ZNF485: variants seen among roughly 807,000 people sequenced by gnomAD.
ZNF485 encodes Zinc finger protein 93 (Zinc finger protein HTF34).
A neutral mutation model predicts 10.8 loss-of-function variants in ZNF485; 9 were observed. That is an observed-to-expected ratio of 0.83 (90% CI 0.50 to 1.45). The LOEUF is 1.45. Ranked by LOEUF, ZNF485 falls within the 40% of genes most tolerant of loss-of-function variation. The pLI is 0.00. For missense variants in ZNF485, 487 were observed against 528.0 expected (o/e 0.92, Z 0.76); for synonymous variants, 187 against 181.0 (o/e 1.03, Z -0.27).
rs893753297 is a variant in ZNF485 at position 43,616,729 on chromosome 10, T to A, written c.686T>A (p.Leu229His). ...CGKTFRKNSI[L>H]LSHQRIHTGQ... is the part of the protein sequence containing the mutation. ...AAAACTTTCAGAAAGAACTCAATCC[T>A]TTTAAGTCATCAGAGAATTCATACT... is the stretch of plus-strand genomic sequence containing the variant. Residue 229 changes from leucine (L) to histidine (H), a missense_variant, in exon 5 of 5, where the codon CTT (leucine) becomes CAT (histidine). Physicochemically the swap from Leu to His is moderately conservative, Grantham distance 99. Coordinates refer to ENST00000361807, the MANE Select transcript of ZNF485 (RefSeq NM_145312.4). 5 of 1,613,946 alleles carry A rather than the reference T, an allele frequency of 3.1e-6. No individual in the cohort carries two copies. Among genetic ancestry groups the A allele is most frequent in the Non-Finnish European group, 4.2e-6 (5 of 1,180,010 alleles).
chr10:43,610,235 GT>G (rs1191096687), intron 4 of ZNF485, among the ~76,000 whole-genome samples: 1 of 151,970 alleles, frequency 6.6e-6, no homozygotes. Flanking sequence ...CTTTGTATAT[GT>G]TTTTGTATGT....
At position 43,617,559 on chromosome 10, in the gene ZNF485, GC is replaced by G. The variant is rs1213832137; in HGVS notation, c.*191del. On this transcript the variant is annotated 3_prime_UTR_variant, in exon 5 of 5. Coordinates refer to ENST00000361807, the MANE Select transcript of ZNF485 (RefSeq NM_145312.4). ...GTATGTCAGTATGGAAGTAGTTATA[GC>G]ATACTGTGTGCTAATTGAAAAGAAT... The G allele has an allele frequency of 1.5e-5, 8 of 519,564 alleles. No individual in the cohort carries two copies. The Admixed American group carries it at 2.8e-4, about 18-fold the overall frequency. 32.2% of individuals were successfully genotyped at this position (519,564 alleles called of 1,614,324 possible).
rs776794639 is a variant in ZNF485 at position 43,616,596 on chromosome 10, C to T, written c.553C>T (p.Pro185Ser). 6.2e-7 allele frequency: 1 copy of T among 1,614,156 alleles called. No individual in the cohort carries two copies. Among genetic ancestry groups the T allele is most frequent in the Non-Finnish European group, 8.5e-7 (1 of 1,180,022 alleles). The change falls in exon 5 of 5, where the codon CCT (proline) becomes TCT (serine). Residue 185 changes from proline (P) to serine (S), a missense_variant. Coordinates refer to ENST00000361807, the MANE Select transcript of ZNF485 (RefSeq NM_145312.4). ...CCATAAGGTTCATGCAGGCAAACAG[C>T]CTTATAGATGTATTGAATGTGGGAA... is the stretch of plus-strand genomic sequence containing the variant. The part of the protein sequence containing the change: ...NHHKVHAGKQ[P>S]YRCIECGKFL...
chr10:43,615,217 G>A (rs1838831424), intron 4 of ZNF485, among the ~76,000 whole-genome samples: 1 of 152,098 alleles, frequency 6.6e-6, no homozygotes, highest in African/African-American at 2.4e-5. Context: ...TACAACTTAT[G>A]TTTATAAGAA....
intron 3 of ZNF485, 77 bp downstream of exon 3, chr10:43,608,817 G>A (rs982373795): frequency 6.5e-7 from 1 of 1,547,330 alleles, no homozygotes; most frequent in East Asian, 2.3e-5. Flanking sequence ...ATGGTTTGGG[G>A]TATTGAAAAA....
In ZNF485 at chr10:43,617,212, C is replaced by T. The variant is rs745433955; in HGVS notation, c.1169C>T (p.Ala390Val). ...TATCACTGTAAGAAATGTGGGAAAG[C>T]CTTTCGGCACAGCTCAGGCCTTGTT... Reference protein sequence around the residue: ...KPYHCKKCGKAFRHSSGLVEH... With the variant: ...KPYHCKKCGKVFRHSSGLVEH... The change falls in exon 5 of 5, where the codon GCC becomes GTC. Residue 390 changes from alanine (A) to valine (V), a missense_variant. Coordinates refer to ENST00000361807, the MANE Select transcript of ZNF485 (RefSeq NM_145312.4). 1 of 1,614,190 alleles carries T rather than the reference C, an allele frequency of 6.2e-7. No homozygotes were observed. Among genetic ancestry groups the T allele is most frequent in the Non-Finnish European group, 8.5e-7 (1 of 1,180,028 alleles).
rs762725552 is a variant in ZNF485, at chr10:43,616,271, T to C, written c.248-20T>C. 1 of 1,524,100 alleles carries C rather than the reference T, an allele frequency of 6.6e-7. No homozygotes were observed. Among genetic ancestry groups the C allele is most frequent in the Admixed American group, 2.2e-5 (1 of 45,052 alleles). The allele number at this position is 1,524,100 out of a possible 1,614,324, so 94.4% of individuals were successfully genotyped here. On this transcript the variant is annotated intron_variant, in intron 4 of 4. Transcript: ENST00000361807. Reference sequence around the variant, plus strand: ...CATTTCAACATAAAGAACATTTGAATTTTTAAAATTTTCTTTCAGTCGAGG... The same window carrying C: ...CATTTCAACATAAAGAACATTTGAACTTTTAAAATTTTCTTTCAGTCGAGG...
chr10:43,616,370 G>C lies in ZNF485; in HGVS notation c.327G>C (p.Thr109=). Residue 109 remains threonine, a synonymous_variant, in exon 5 of 5, where the codon ACG becomes ACC. Transcript: ENST00000361807. The part of the protein sequence containing the change: ...TSEASVLGER[T]KSVMMEKGLD... The stretch of plus-strand genomic sequence containing the variant: ...AAGCATCTGTTCTGGGAGAGCGAAC[G>C]AAAAGTGTCATGATGGAAAAAGGCC... The C allele has an allele frequency of 6.2e-7, 1 of 1,613,984 alleles. No homozygotes were observed. The highest frequency in any genetic ancestry group is 8.5e-7 in the Non-Finnish European group (1 of 1,179,978).
At chr10:43,611,876 A>G (rs1401568366) in intron 4 of ZNF485, among the ~76,000 whole-genome samples, 2 of 152,140 alleles carry the variant, frequency 1.3e-5, no homozygotes, top group African/African-American at 2.4e-5. Flanking sequence ...AGGGTTCTTT[A>G]TACATTCAGG....
chr10:43,611,367 T>G (rs1264078867), intron 4 of ZNF485, among the ~76,000 whole-genome samples: 1 of 152,122 alleles, frequency 6.6e-6, no homozygotes, highest in East Asian at 1.9e-4. Flanking sequence ...CATGCCAGCT[T>G]ATCTTTCTTT....
chr10:43,614,181 C>G (rs1053451784), intron 4 of ZNF485, among the ~76,000 whole-genome samples: 1 of 151,224 alleles, frequency 6.6e-6, no homozygotes, highest in Non-Finnish European at 1.5e-5. Context: ...CGCCATTGCA[C>G]TCAGCCTGGG....
chr10:43,611,425 T>C (rs1264102992), intron 4 of ZNF485, among the ~76,000 whole-genome samples: 1 of 152,162 alleles, frequency 6.6e-6, no homozygotes, highest in East Asian at 1.9e-4. Flanking sequence ...ATAATTTATG[T>C]AATCAGTTAT....
rs1838710717 is a variant in ZNF485, at chr10:43,608,881, TGGAGTTTA to T, written c.151+142_151+149del. The T allele has an allele frequency of 3.4e-6, 4 of 1,170,638 alleles. No individual in the cohort carries two copies. In the African/African-American group the frequency reaches 6.2e-5, roughly 18 times the overall value. The allele number at this position is 1,170,638 out of a possible 1,614,324, so 72.5% of individuals were successfully genotyped here. Reference sequence around the variant, plus strand: ...TTTTCTTAAGTATGGGCTTAGAGGCTGGAGTTTATGCCCCTTACACCCCTCAAGAAAGG... The same window carrying T: ...TTTTCTTAAGTATGGGCTTAGAGGCTTGCCCCTTACACCCCTCAAGAAAGG... On this transcript the variant is annotated intron_variant, in intron 3 of 4. Coordinates refer to ENST00000361807, the MANE Select transcript of ZNF485 (RefSeq NM_145312.4).
Position 43,616,977 on chromosome 10 carries a change from A to G in ZNF485, c.934A>G (p.Thr312Ala). ...TGGAAAAGCCTTTAGGAAGAGCTCA[A>G]CTCTTATTAGTCACCAAAGAATGCA... ...ECGKAFRKSS[T>A]LISHQRMHTG... The change falls in exon 5 of 5, where the codon ACT (threonine) becomes GCT (alanine). Residue 312 changes from threonine (T) to alanine (A), a missense_variant. Thr to Ala is a moderately conservative substitution (Grantham distance 58). Coordinates refer to ENST00000361807, the MANE Select transcript of ZNF485 (RefSeq NM_145312.4). The G allele has an allele frequency of 6.2e-7, 1 of 1,614,104 alleles. No homozygotes were observed. Among genetic ancestry groups the G allele is most frequent in the Non-Finnish European group, 8.5e-7 (1 of 1,180,038 alleles).
chr10:43,606,921 G>T (rs1322025096), intron 1 of ZNF485, 76 bp from the exon 2 acceptor site: 56 of 1,170,026 alleles, frequency 4.8e-5, no homozygotes, highest in Admixed American at 6.2e-5. Context: ...GGCGGGCGGG[G>T]ACCTGGTCTA....
Position 43,617,551 on chromosome 10 carries a change from T to C in ZNF485, c.*182T>C. 1.8e-6 allele frequency: 1 copy of C among 540,962 alleles called. No homozygotes were observed. The highest frequency in any genetic ancestry group is 3.2e-6 in the Non-Finnish European group (1 of 312,140). 33.5% of individuals were successfully genotyped at this position (540,962 alleles called of 1,614,324 possible). On this transcript the variant is annotated 3_prime_UTR_variant, in exon 5 of 5. Coordinates refer to ENST00000361807, the MANE Select transcript of ZNF485 (RefSeq NM_145312.4). ...AACTAAATGTATGTCAGTATGGAAG[T>C]AGTTATAGCATACTGTGTGCTAATT...
At chr10:43,606,957 G>A in intron 1 of ZNF485, 40 bp from the exon 2 acceptor site, 1 of 1,499,998 alleles carries the variant, frequency 6.7e-7, no homozygotes, top group South Asian at 1.2e-5. Flanking sequence ...CTAGGCTAGG[G>A]CACGGAGGGA....
intron 4 of ZNF485, among the ~76,000 whole-genome samples, chr10:43,611,348 G>A (rs912077447): frequency 1.2e-4 from 18 of 152,074 alleles, no homozygotes; most frequent in East Asian, 3.9e-4. Context: ...GATTACAGGC[G>A]TGCATCACCA....
chr10:43,608,686 C>T lies in ZNF485; in HGVS notation c.97C>T (p.Arg33Trp), dbSNP rs747465503. Residue 33 changes from arginine to tryptophan, a missense_variant, in exon 3 of 5, where the codon CGG becomes TGG. Transcript: ENST00000361807. ...IEWRHLDAAQ[R>W]ALYRDVMLEN... ...GTGGAGACACCTGGATGCTGCTCAG[C>T]GGGCCCTGTACAGGGATGTGATGCT... 1.3e-5 allele frequency: 21 copies of T among 1,613,946 alleles called. No individual in the cohort carries two copies. Among genetic ancestry groups the T allele is most frequent in the South Asian group, 3.3e-5 (3 of 91,078 alleles).
Sources: allele counts gnomAD v4.1 joint callset (sites outside exome capture counted in the v4.1 genomes callset), GRCh38; gene constraint gnomAD v4.1.1; transcripts MANE v1.5; gene names NCBI Gene and HGNC (gene_info 2026-07-23, HGNC 2026-07-21).